ABLIM3: variants seen among roughly 807,000 people sequenced by gnomAD.
ABLIM3 encodes actin binding LIM protein family member 3.
Under a neutral mutation model 109.5 loss-of-function variants are expected in ABLIM3, and 61 were observed. The ratio of observed to expected loss-of-function variants is 0.56; its 90% CI spans 0.45 to 0.69. The LOEUF is 0.69. ABLIM3 is among the 30% of genes least tolerant of loss of function. ABLIM3 has a pLI of 0.00. For synonymous variants in ABLIM3, 300 were observed against 324.8 expected, an observed-to-expected ratio of 0.92 and a Z score of 0.82; for missense variants, 796 against 889.5, an observed-to-expected ratio of 0.89 and a Z score of 1.34.
rs186495501 is a variant in ABLIM3 at position 149,170,209 on chromosome 5, C to T, written c.14-13243C>T. On this transcript the variant is annotated intron_variant, in intron 2 of 23. Coordinates refer to ENST00000309868, the MANE Select transcript of ABLIM3 (RefSeq NM_014945.5). Reference sequence around the variant, plus strand: ...GGAAGATCCACAGACTTAAATGATGCATTCATTCAGGGTTCTGTTTCTCTC... The same window carrying T: ...GGAAGATCCACAGACTTAAATGATGTATTCATTCAGGGTTCTGTTTCTCTC... Among the ~76,000 whole-genome samples the T allele has an allele frequency of 2.6e-4, 37 of 144,938 alleles. No homozygotes were observed. The East Asian group carries it at 6.6e-3, about 26-fold the overall frequency.
At chr5:149,217,396 TG>T in intron 8 of ABLIM3, 1 of 305,214 alleles carries the variant, frequency 3.3e-6, no homozygotes, top group South Asian at 4.5e-5. Flanking sequence ...GAGGGATGCC[TG>T]GGTTGCAAAG....
intron 7 of ABLIM3, among the ~76,000 whole-genome samples, chr5:149,215,549 G>C (rs946065497): frequency 4.0e-5 from 6 of 151,244 alleles, no homozygotes; most frequent in Non-Finnish European, 5.9e-5. Flanking sequence ...AAAAAACTAA[G>C]TTTGGAAATA....
Position 149,259,069 on chromosome 5 carries a change from T to A in ABLIM3, c.*665T>A. The A allele has an allele frequency of 2.0e-6, 2 of 1,007,226 alleles. No individual in the cohort carries two copies. Among genetic ancestry groups the A allele is most frequent in the South Asian group, 8.5e-5 (2 of 23,492 alleles). The allele number at this position is 1,007,226 out of a possible 1,614,324, so 62.4% of individuals were successfully genotyped here. ...CTCCCTTGTCCAAATCTAGGATTCC[T>A]GGTAGGAAAAGGAAAAGGCCCTTCC... On this transcript the variant is annotated 3_prime_UTR_variant, in exon 24 of 24. Coordinates refer to ENST00000309868, the MANE Select transcript of ABLIM3 (RefSeq NM_014945.5).
chr5:149,146,493 A>G (rs993871372), intron 2 of ABLIM3, among the ~76,000 whole-genome samples: 2 of 152,208 alleles, frequency 1.3e-5, no homozygotes, highest in Non-Finnish European at 1.5e-5. Context: ...ATTTTTGTAT[A>G]TGGTGAAAGG....
intron 3 of ABLIM3, among the ~76,000 whole-genome samples, chr5:149,191,773 A>G (rs1310463508): frequency 1.3e-5 from 2 of 152,254 alleles, no homozygotes; most frequent in Non-Finnish European, 2.9e-5. Context: ...TGCTATAAAG[A>G]TAAGAAAGGA....
At chr5:149,166,061 A>T (rs1004657592) in intron 2 of ABLIM3, among the ~76,000 whole-genome samples, 2 of 152,298 alleles carry the variant, frequency 1.3e-5, no homozygotes, top group South Asian at 4.1e-4. Flanking sequence ...TGGCTCACAT[A>T]GTATTCTTTT....
At chr5:149,192,756 A>G (rs575491816) in intron 3 of ABLIM3, among the ~76,000 whole-genome samples, 24 of 152,316 alleles carry the variant, frequency 1.6e-4, no homozygotes, top group African/African-American at 5.3e-4. Context: ...ATCAATAGCC[A>G]TTTCTACTCA....
chr5:149,177,640 G>T (rs1203247281), intron 2 of ABLIM3, among the ~76,000 whole-genome samples: 1 of 152,174 alleles, frequency 6.6e-6, no homozygotes, highest in Non-Finnish European at 1.5e-5. Flanking sequence ...CTGCAGCCAA[G>T]GAGTTTTTTT....
Position 149,240,791 on chromosome 5 carries a change from C to T in ABLIM3, c.1303+17C>T. 3.7e-6 allele frequency: 6 copies of T among 1,610,776 alleles called. No homozygotes were observed. Among genetic ancestry groups the T allele is most frequent in the Non-Finnish European group, 5.1e-6 (6 of 1,177,280 alleles). On this transcript the variant is annotated intron_variant, in intron 14 of 23. Transcript: ENST00000309868. ...ACATCCCAGGTAGGCACTGCCAGCC[C>T]AGAATTCCTGGGATGGATGCATGCT...
intron 2 of ABLIM3, among the ~76,000 whole-genome samples, chr5:149,182,835 A>G (rs17109732): frequency 0.05 from 7,603 of 152,196 alleles, 578 homozygotes; most frequent in African/African-American, 0.17. Flanking sequence ...TCCCAGTTTT[A>G]TGGAAAGTGC....
At chr5:149,163,038 G>A (rs1164973657) in intron 2 of ABLIM3, among the ~76,000 whole-genome samples, 1 of 152,254 alleles carries the variant, frequency 6.6e-6, no homozygotes, top group African/African-American at 2.4e-5. Flanking sequence ...CGACAGGCTG[G>A]GCAGGCCAAC....
At chr5:149,232,832 TGC>T (rs1761989387) in intron 9 of ABLIM3, among the ~76,000 whole-genome samples, 1 of 152,242 alleles carries the variant, frequency 6.6e-6, no homozygotes, top group Non-Finnish European at 1.5e-5. Flanking sequence ...CAGCATATTG[TGC>T]AATTACGTGA....
chr5:149,195,585 G>T (rs1185702481), intron 3 of ABLIM3, among the ~76,000 whole-genome samples: 1 of 152,164 alleles, frequency 6.6e-6, no homozygotes, highest in African/African-American at 2.4e-5. Context: ...TGGGAGAGGT[G>T]GCTCTGGGGG....
chr5:149,223,355 G>A (rs1017777345), intron 8 of ABLIM3, among the ~76,000 whole-genome samples: 3 of 152,074 alleles, frequency 2.0e-5, no homozygotes, highest in Non-Finnish European at 2.9e-5. Flanking sequence ...GCAATTTCCC[G>A]GCTTACTTCC....
chr5:149,230,571 G>A (rs1292935215), intron 8 of ABLIM3, 78 bp from the exon 9 acceptor site: 5 of 1,491,690 alleles, frequency 3.4e-6, no homozygotes, highest in Admixed American at 1.7e-5. Context: ...TGACCACGGA[G>A]TGAATCAAGG....
Position 149,251,340 on chromosome 5 carries a change from G to T in ABLIM3, c.1789-19G>T, listed in dbSNP as rs764486021. On this transcript the variant is annotated intron_variant, in intron 20 of 23. Transcript: ENST00000309868. ...GGTGAGCTTATCTCAGGCCAGCCGT[G>T]GTTCTGTCTCTTCTGCAGACACCCA... 1.9e-6 allele frequency: 3 copies of T among 1,613,778 alleles called. No individual in the cohort carries two copies. Among genetic ancestry groups the T allele is most frequent in the Non-Finnish European group, 2.5e-6 (3 of 1,179,960 alleles).
intron 2 of ABLIM3, among the ~76,000 whole-genome samples, chr5:149,169,643 A>G (rs140014859): frequency 3.9e-5 from 6 of 152,204 alleles, no homozygotes; most frequent in Non-Finnish European, 8.8e-5. Context: ...TGGTTCCTCC[A>G]GTAAAGAGAG....
At chr5:149,232,104 G>A (rs1457826048) in intron 9 of ABLIM3, among the ~76,000 whole-genome samples, 2 of 152,120 alleles carry the variant, frequency 1.3e-5, no homozygotes, top group Non-Finnish European at 1.5e-5. Flanking sequence ...TCAGTAGTTC[G>A]AGACCAGGCT....
chr5:149,176,334 T>C (rs186967165), intron 2 of ABLIM3, among the ~76,000 whole-genome samples: 3 of 152,320 alleles, frequency 2.0e-5, no homozygotes, highest in African/African-American at 2.4e-5. Flanking sequence ...TATTTTTACA[T>C]CTTCTTAAAC....
Sources: allele counts gnomAD v4.1 joint callset (sites outside exome capture counted in the v4.1 genomes callset), GRCh38; gene constraint gnomAD v4.1.1; transcripts MANE v1.5; gene names NCBI Gene and HGNC (gene_info 2026-07-23, HGNC 2026-07-21).